The following TSPAN8 variants were observed in gnomAD, a reference collection of about 807,000 sequenced individuals.
TSPAN8 encodes tetraspanin 8, also known as tetraspanin-8.
In TSPAN8, 21 loss-of-function variants were observed where a neutral mutation model predicts 32.8. The observed-to-expected ratio is 0.64, with a 90% CI of 0.45 to 0.92. TSPAN8 has a LOEUF of 0.92. Ranked by LOEUF, TSPAN8 falls within the 40% of genes least tolerant of loss-of-function variation. The probability of loss-of-function intolerance (pLI) is 0.00; values close to 1 mark genes in which losing one functional copy is unlikely to be tolerated. For synonymous variants in TSPAN8, 95 were observed against 94.6 expected (o/e 1.00, Z -0.03); for missense variants, 269 against 281.9 (o/e 0.95, Z 0.33).
chr12:71,156,842 A>G (rs917590704), intron 2 of TSPAN8: 1 of 152,210 alleles, frequency 6.6e-6, no homozygotes, highest in Non-Finnish European at 1.5e-5. Context: ...TAATTGTACC[A>G]TATATGCTAA....
At chr12:71,135,354 A>G (rs1408361579) in intron 6 of TSPAN8, among the ~76,000 whole-genome samples, 1 of 140,344 alleles carries the variant, frequency 7.1e-6, no homozygotes, top group African/African-American at 2.7e-5. Flanking sequence ...AAGAAGGAGG[A>G]GAAAGAAGAA....
chr12:71,137,098 C>A (rs897053815), intron 6 of TSPAN8, among the ~76,000 whole-genome samples: 1 of 151,850 alleles, frequency 6.6e-6, no homozygotes, highest in East Asian at 1.9e-4. Context: ...TAGTAAGACC[C>A]CTCTCTCTAC....
At chr12:71,153,928 A>G (rs1181370205) in intron 2 of TSPAN8, among the ~76,000 whole-genome samples, 1 of 152,220 alleles carries the variant, frequency 6.6e-6, no homozygotes, top group East Asian at 1.9e-4. Context: ...AAGGCACGTT[A>G]GTTAGAAAGA....
chr12:71,125,894 T>A (rs1051169355), intron 8 of TSPAN8, among the ~76,000 whole-genome samples: 5 of 152,016 alleles, frequency 3.3e-5, no homozygotes, highest in African/African-American at 9.7e-5. Flanking sequence ...ACTCTTTTTT[T>A]AAAAAAGCTT....
chr12:71,137,882 G>T (rs1209111830), intron 6 of TSPAN8, 71 bp downstream of exon 6: 4 of 1,367,884 alleles, frequency 2.9e-6, no homozygotes, highest in Non-Finnish European at 4.0e-6. Context: ...CTTTAAGGAA[G>T]ATGTTAAAAA....
chr12:71,139,632 C>G, intron 4 of TSPAN8, 79 bp downstream of exon 4: 1 of 1,521,250 alleles, frequency 6.6e-7, no homozygotes, highest in Non-Finnish European at 8.9e-7. Flanking sequence ...ATGGCACGTT[C>G]TTTTAACAGA....
intron 8 of TSPAN8, among the ~76,000 whole-genome samples, chr12:71,127,502 T>G (rs1037839303): frequency 1.4e-4 from 22 of 152,280 alleles, no homozygotes; most frequent in East Asian, 1.2e-3. Context: ...ACAATTAATT[T>G]GACTTCTCGA....
Position 71,157,786 on chromosome 12 carries a change from G to A in TSPAN8, c.-108C>T, listed in dbSNP as rs756783385. ...TGCCTGCAGAGATTTCTGTATCCACGGCTTCAGAGCAGAAAGAGAAAGCAA... is the reference window on the plus strand; with the variant it reads ...TGCCTGCAGAGATTTCTGTATCCACAGCTTCAGAGCAGAAAGAGAAAGCAA... On this transcript the variant is annotated splice_region_variant and 5_prime_UTR_variant, in exon 2 of 9. Coordinates refer to ENST00000247829, the MANE Select transcript of TSPAN8 (RefSeq NM_004616.3). The A allele has an allele frequency of 1.1e-5, 9 of 800,206 alleles. No individual in the cohort carries two copies. The highest frequency in any genetic ancestry group is 4.9e-5 in the East Asian group (2 of 40,994). 49.6% of individuals were successfully genotyped at this position (800,206 alleles called of 1,614,324 possible).
chr12:71,138,409 G>T (rs951595758), intron 4 of TSPAN8, among the ~76,000 whole-genome samples, 179 bp from the exon 5 acceptor site: 10 of 152,152 alleles, frequency 6.6e-5, no homozygotes, highest in African/African-American at 2.4e-4. Context: ...TTACTACTCA[G>T]AAAATTGCTC....
chr12:71,137,553 T>C (rs999371998), intron 6 of TSPAN8, among the ~76,000 whole-genome samples: 5 of 151,736 alleles, frequency 3.3e-5, no homozygotes, highest in South Asian at 2.1e-4. Flanking sequence ...CGAGCCAAGA[T>C]TGCACCACTG....
At chr12:71,129,008 C>G (rs1871431209) in intron 8 of TSPAN8, among the ~76,000 whole-genome samples, 1 of 151,836 alleles carries the variant, frequency 6.6e-6, no homozygotes, top group Non-Finnish European at 1.5e-5. Flanking sequence ...ACTGTAACCC[C>G]TGTGCTAGTT....
chr12:71,136,200 T>C (rs1309783669), intron 6 of TSPAN8, among the ~76,000 whole-genome samples: 1 of 152,132 alleles, frequency 6.6e-6, no homozygotes, highest in African/African-American at 2.4e-5. Context: ...GAAAAATCTA[T>C]CATATATAAA....
At chr12:71,145,501 GAC>G (rs995737499) in intron 2 of TSPAN8, among the ~76,000 whole-genome samples, 2 of 151,848 alleles carry the variant, frequency 1.3e-5, no homozygotes, top group South Asian at 2.1e-4. Flanking sequence ...CACACACATA[GAC>G]ACACACACAC....
chr12:71,134,205 T>C (rs989396133), intron 6 of TSPAN8, among the ~76,000 whole-genome samples: 1 of 152,188 alleles, frequency 6.6e-6, no homozygotes, highest in Non-Finnish European at 1.5e-5. Flanking sequence ...AACTCCCAGG[T>C]TGAAGAAAGC....
At chr12:71,138,683 A>G (rs188792021) in intron 4 of TSPAN8, among the ~76,000 whole-genome samples, 2 of 152,344 alleles carry the variant, frequency 1.3e-5, no homozygotes, top group East Asian at 3.9e-4. Flanking sequence ...GCTGAATCAT[A>G]AGTTTGAAGG....
chr12:71,139,567 C>T lies in TSPAN8; in HGVS notation c.261+144G>A, dbSNP rs771863997. ...AAACTAAGCCAAATCTAAGCCATAT[C>T]AGCTTCCACAATCAAACCTTCTAAA... On this transcript the variant is annotated intron_variant, in intron 4 of 8. Coordinates refer to ENST00000247829, the MANE Select transcript of TSPAN8 (RefSeq NM_004616.3). 2.7e-6 allele frequency: 3 copies of T among 1,108,926 alleles called. No homozygotes were observed. In the Admixed American group the frequency reaches 7.5e-5, roughly 28 times the overall value. 68.7% of individuals were successfully genotyped at this position (1,108,926 alleles called of 1,614,324 possible). A position where few individuals can be genotyped will look rare whatever the true frequency, so the allele number is the denominator to read the frequency against.
At chr12:71,145,380 C>A (rs1255467154) in intron 2 of TSPAN8, among the ~76,000 whole-genome samples, 3 of 152,076 alleles carry the variant, frequency 2.0e-5, no homozygotes, top group Non-Finnish European at 4.4e-5. Context: ...AAACCCGGAG[C>A]AATTCCTAAC....
intron 4 of TSPAN8, among the ~76,000 whole-genome samples, chr12:71,138,965 AT>A (rs1199818107): frequency 1.0e-4 from 11 of 110,144 alleles, no homozygotes; most frequent in South Asian, 5.0e-4. Flanking sequence ...TAAACACTTG[AT>A]TTTTTTCTAA....
chr12:71,157,819 G>A, intron 1 of TSPAN8, 32 bp from the exon 2 acceptor site: 1 of 647,908 alleles, frequency 1.5e-6, no homozygotes. Flanking sequence ...CAAAGAAGTA[G>A]AGGGAGGAAT....
Sources: allele counts gnomAD v4.1 joint callset (sites outside exome capture counted in the v4.1 genomes callset), GRCh38; gene constraint gnomAD v4.1.1; transcripts MANE v1.5; gene names NCBI Gene and HGNC (gene_info 2026-07-23, HGNC 2026-07-21).